CACUL1: variants seen among roughly 807,000 people sequenced by gnomAD.
CACUL1 encodes the protein CDK2 associated cullin domain 1.
Under a neutral mutation model 45.2 loss-of-function variants are expected in CACUL1, and 13 were observed. The ratio of observed to expected loss-of-function variants is 0.29; its 90% confidence interval spans 0.19 to 0.46. The LOEUF (loss-of-function observed/expected upper bound fraction) is 0.46, where lower values mean the gene tolerates loss of function less well. Among genes scored for constraint, CACUL1 ranks in the 20% least tolerant of loss-of-function variants. CACUL1 has a pLI of 1.00. For missense variants in CACUL1, 421 were observed against 471.4 expected (o/e 0.89, Z 0.99); for synonymous variants, 197 against 174.2 (o/e 1.13, Z -1.03).
rs528829019 is a variant in CACUL1 at position 118,734,348 on chromosome 10, A to G, written c.368-3938T>C. Among the ~76,000 whole-genome samples the G allele has an allele frequency of 2.0e-5, 3 of 152,324 alleles. No individual in the cohort carries two copies. The East Asian group carries it at 5.8e-4, about 29-fold the overall frequency. On this transcript the variant is annotated intron_variant, in intron 1 of 8. Transcript: ENST00000369151. ...GCTAAAGAGTATATACAGACTTCCA[A>G]TGAGGTAAAGAATTCCTTGAATTTT...
intron 1 of CACUL1, among the ~76,000 whole-genome samples, chr10:118,752,933 G>A (rs780318496): frequency 1.6e-4 from 25 of 151,688 alleles, no homozygotes; most frequent in African/African-American, 3.4e-4. Context: ...TCATTTATTT[G>A]CATCTTTTTT....
intron 1 of CACUL1, 97 bp downstream of exon 1, chr10:118,754,299 T>G: frequency 7.0e-7 from 1 of 1,423,866 alleles, no homozygotes; most frequent in South Asian, 1.6e-5. Flanking sequence ...GACCGAGGCC[T>G]GAAACAAAGG....
intron 3 of CACUL1, among the ~76,000 whole-genome samples, chr10:118,717,053 T>C (rs1381743986): frequency 2.0e-5 from 3 of 152,188 alleles, no homozygotes; most frequent in African/African-American, 7.2e-5. Flanking sequence ...GCAGATTCCT[T>C]TGCCACACTC....
chr10:118,752,169 TATA>T (rs769398127), intron 1 of CACUL1, among the ~76,000 whole-genome samples: 5 of 152,168 alleles, frequency 3.3e-5, no homozygotes, highest in African/African-American at 4.8e-5. Context: ...TTTTGCTCCT[TATA>T]ATGTTAGCCA....
intron 6 of CACUL1, among the ~76,000 whole-genome samples, chr10:118,691,895 AAG>A (rs1370844854): frequency 9.3e-5 from 14 of 150,354 alleles, no homozygotes; most frequent in African/African-American, 3.1e-4. Flanking sequence ...AAAAAAGAAA[AAG>A]AATTTTATAG....
At chr10:118,726,443 C>CTTGAGGGGGAGGGACTCTAT in intron 3 of CACUL1, 1 of 588,686 alleles carries the variant, frequency 1.7e-6, no homozygotes, top group Non-Finnish European at 2.6e-6. Flanking sequence ...GAGTCCCTCC[C>CTTGAGGGGGAGGGACTCTAT]CCTCAAGGAA....
intron 3 of CACUL1, among the ~76,000 whole-genome samples, chr10:118,717,744 A>C (rs563759038): frequency 6.6e-6 from 1 of 152,244 alleles, no homozygotes; most frequent in East Asian, 1.9e-4. Context: ...AATCCCTGGG[A>C]GGCTTCAACA....
At chr10:118,742,850 GACTTTAAT>G (rs1468534386) in intron 1 of CACUL1, among the ~76,000 whole-genome samples, 3 of 152,126 alleles carry the variant, frequency 2.0e-5, no homozygotes, top group African/African-American at 7.2e-5. Context: ...AGAACTATAA[GACTTTAAT>G]ACATTATACT....
chr10:118,716,000 G>C (rs1312880013), intron 3 of CACUL1, among the ~76,000 whole-genome samples: 1 of 152,186 alleles, frequency 6.6e-6, no homozygotes, highest in Non-Finnish European at 1.5e-5. Flanking sequence ...ACTTTGGGAG[G>C]CCAAGGCAGG....
chr10:118,689,309 T>C (rs927243155), intron 7 of CACUL1, among the ~76,000 whole-genome samples: 4 of 152,164 alleles, frequency 2.6e-5, no homozygotes, highest in African/African-American at 7.2e-5. Flanking sequence ...CAGAATTACA[T>C]ATGAGAACGT....
intron 3 of CACUL1, among the ~76,000 whole-genome samples, chr10:118,719,877 C>T (rs1845584355): frequency 6.6e-6 from 1 of 151,852 alleles, no homozygotes; most frequent in Non-Finnish European, 1.5e-5. Context: ...CTCATTCTTG[C>T]TATGCAGATA....
intron 6 of CACUL1, chr10:118,691,711 C>A: frequency 4.1e-6 from 1 of 244,654 alleles, no homozygotes; most frequent in East Asian, 1.3e-4. Context: ...ACTAAAAATA[C>A]AAAAAATTAG....
intron 3 of CACUL1, among the ~76,000 whole-genome samples, chr10:118,711,567 GA>G (rs1016248785): frequency 1.3e-5 from 2 of 151,836 alleles, no homozygotes; most frequent in Non-Finnish European, 2.9e-5. Flanking sequence ...AGTATTACGT[GA>G]AAAAAAATCT....
intron 4 of CACUL1, among the ~76,000 whole-genome samples, chr10:118,706,975 G>A (rs116467411): frequency 1.3e-3 from 203 of 152,276 alleles, no homozygotes; most frequent in African/African-American, 4.7e-3. Flanking sequence ...CATTCAACAG[G>A]AGCACTAACA....
chr10:118,692,488 G>C (rs185082388), intron 6 of CACUL1: 56 of 152,154 alleles, frequency 3.7e-4, no homozygotes, highest in African/African-American at 1.3e-3. Context: ...AAAAATTCAA[G>C]CTAAAATAAA....
At chr10:118,714,904 C>A (rs1019483482) in intron 3 of CACUL1, among the ~76,000 whole-genome samples, 3 of 152,180 alleles carry the variant, frequency 2.0e-5, no homozygotes, top group African/African-American at 4.8e-5. Context: ...ACAGACCCCC[C>A]TGAAAGGCTT....
chr10:118,681,325 T>TCA lies in CACUL1; in HGVS notation c.*4802_*4803insTG, dbSNP rs1451518401. 2.0e-5 allele frequency: 3 copies of TCA among 152,230 alleles called. No individual in the cohort carries two copies. The highest frequency in any genetic ancestry group is 4.4e-5 in the Non-Finnish European group (3 of 68,044). 9.4% of individuals were successfully genotyped at this position (152,230 alleles called of 1,614,324 possible). A position where few individuals can be genotyped will look rare whatever the true frequency, so the allele number is the denominator to read the frequency against. On this transcript the variant is annotated 3_prime_UTR_variant, in exon 9 of 9. Coordinates refer to ENST00000369151, the MANE Select transcript of CACUL1 (RefSeq NM_153810.5). ...CCAAATTTTTCATAAGCATTCCTGT[T>TCA]ACTAGCCATAGCTTCCCATGACTTC...
At chr10:118,702,584 CT>C (rs35241397) in intron 4 of CACUL1, among the ~76,000 whole-genome samples, 107,134 of 138,808 alleles carry the variant, frequency 0.77, 40,973 homozygotes, top group Middle Eastern at 0.82. Context: ...TTTCTTTTTT[CT>C]TTTTTTTTTT....
chr10:118,677,079 A>G lies in CACUL1; in HGVS notation c.*9049T>C, dbSNP rs1212116935. The G allele has an allele frequency of 1.3e-5, 2 of 152,186 alleles. No homozygotes were observed. Among genetic ancestry groups the G allele is most frequent in the East Asian group, 3.8e-4 (2 of 5,196 alleles). 9.4% of individuals were successfully genotyped at this position (152,186 alleles called of 1,614,324 possible). A position where few individuals can be genotyped will look rare whatever the true frequency, so the allele number is the denominator to read the frequency against. Reference sequence around the variant, plus strand: ...GATAGGAATCAGTTTAATGTTCTCTAATTATACCAGCACCTTTCATAAAAT... The same window carrying G: ...GATAGGAATCAGTTTAATGTTCTCTGATTATACCAGCACCTTTCATAAAAT... On this transcript the variant is annotated 3_prime_UTR_variant, in exon 9 of 9. Coordinates refer to ENST00000369151, the MANE Select transcript of CACUL1 (RefSeq NM_153810.5).
Sources: gnomAD v4.1 joint callset for allele counts (sites outside exome capture counted in the v4.1 genomes callset) on GRCh38, gnomAD v4.1.1 for gene constraint, MANE v1.5 for transcripts, NCBI Gene and HGNC (gene_info 2026-07-23, HGNC 2026-07-21) for gene names.